PCDHGB1: variants seen among roughly 807,000 people sequenced by gnomAD.
PCDHGB1 encodes protocadherin gamma subfamily B, 1.
Under a neutral mutation model 56.6 loss-of-function variants are expected in PCDHGB1, and 34 were observed. The ratio of observed to expected loss-of-function variants is 0.60; its 90% CI spans 0.46 to 0.80. PCDHGB1 has a LOEUF of 0.80. PCDHGB1 is among the 30% of genes least tolerant of loss of function. The pLI is 0.00. For synonymous variants in PCDHGB1, 561 were observed against 505.9 expected (o/e 1.11, Z -1.46); for missense variants, 1,278 against 1,204.6 (o/e 1.06, Z -0.90).
intron 1 of PCDHGB1, chr5:141,427,316 C>G: frequency 2.2e-6 from 1 of 457,002 alleles, no homozygotes; most frequent in Non-Finnish European, 4.4e-6. Context: ...ATGCCCCAGA[C>G]GTGGTTTTTA....
At chr5:141,457,631 G>C (rs540600166) in intron 1 of PCDHGB1, among the ~76,000 whole-genome samples, 1 of 152,282 alleles carries the variant, frequency 6.6e-6, no homozygotes, top group African/African-American at 2.4e-5. Flanking sequence ...TCTTATACTT[G>C]GCCTGATTAT....
At chr5:141,509,782 C>A (rs2099878218) in intron 3 of PCDHGB1, among the ~76,000 whole-genome samples, 1 of 152,144 alleles carries the variant, frequency 6.6e-6, no homozygotes, top group Admixed American at 6.5e-5. Context: ...TCCCCGAGAT[C>A]ATCATCTCCT....
In PCDHGB1 at chr5:141,486,403, T is replaced by C; in HGVS notation, c.2410-8404T>C. ...GGAACCAGTTCTCCCTGGTGACTGC[T>C]GGACCCTTGGATCGAGAGGCCAAAT... On this transcript the variant is annotated intron_variant, in intron 1 of 3. Coordinates refer to ENST00000523390, the MANE Select transcript of PCDHGB1 (RefSeq NM_018922.3). This position sits in a 1 kb window ranked among gnomAD's most constrained non-coding sequence, Gnocchi z 5.0. The C allele has an allele frequency of 6.2e-7, 1 of 1,614,212 alleles. No individual in the cohort carries two copies. Among genetic ancestry groups the C allele is most frequent in the Non-Finnish European group, 8.5e-7 (1 of 1,180,034 alleles).
chr5:141,362,421 G>A (rs1292058776), intron 1 of PCDHGB1: 1 of 1,613,910 alleles, frequency 6.2e-7, no homozygotes, highest in African/African-American at 1.3e-5. Context: ...AATCAGCCAA[G>A]ACAGAGTTCA....
At chr5:141,372,146 T>A (rs371379465) in intron 1 of PCDHGB1, 1 of 1,613,620 alleles carries the variant, frequency 6.2e-7, no homozygotes, top group Non-Finnish European at 8.5e-7. Context: ...CTGCAGAGCC[T>A]GGCTACCTGG....
chr5:141,425,528 C>CA (rs890632943), intron 1 of PCDHGB1, among the ~76,000 whole-genome samples: 1 of 152,200 alleles, frequency 6.6e-6, no homozygotes, highest in African/African-American at 2.4e-5. Context: ...AAACATGAAA[C>CA]AATAATCCTT....
intron 1 of PCDHGB1, among the ~76,000 whole-genome samples, chr5:141,429,660 ATATAT>A (rs1388009014): frequency 1.3e-5 from 2 of 152,336 alleles, no homozygotes; most frequent in African/African-American, 4.8e-5. Flanking sequence ...CCAATTTAAA[ATATAT>A]TATTTTATTT....
At chr5:141,478,785 A>C in intron 1 of PCDHGB1, 1 of 1,482,486 alleles carries the variant, frequency 6.7e-7, no homozygotes, top group Non-Finnish European at 9.0e-7. Flanking sequence ...GACCTAATTC[A>C]CATCCTCAGC....
chr5:141,489,283 G>A lies in PCDHGB1; in HGVS notation c.2410-5524G>A. The A allele has an allele frequency of 6.4e-7, 1 of 1,569,594 alleles. No homozygotes were observed. Among genetic ancestry groups the A allele is most frequent in the Admixed American group, 1.8e-5 (1 of 55,646 alleles). ...CCCACAGCTCGCTGGGAAATGGCAA[G>A]TGCTGTGCATGTTGTCCTTGTGCTG... On this transcript the variant is annotated intron_variant, in intron 1 of 3. Coordinates refer to ENST00000523390, the MANE Select transcript of PCDHGB1 (RefSeq NM_018922.3). This position sits in a 1 kb window ranked among gnomAD's most constrained non-coding sequence, Gnocchi z 4.5.
Position 141,352,653 on chromosome 5 carries a change from C to T in PCDHGB1, c.2393C>T (p.Pro798Leu), listed in dbSNP as rs200777796. Reference protein sequence around the residue: ...SNEDHKIAYDPSLSSHQAPPN... With the variant: ...SNEDHKIAYDLSLSSHQAPPN... ...GAAGATCACAAAATCGCTTATGACC[C>T]TTCTTTGTCTTCGCACGTGAGTTTC... Residue 798 changes from proline to leucine, a missense_variant, in exon 1 of 4, where the codon CCT (proline) becomes CTT (leucine). By Grantham distance (98) the Pro-to-Leu change is moderately conservative. Coordinates refer to ENST00000523390, the MANE Select transcript of PCDHGB1 (RefSeq NM_018922.3). The T allele has an allele frequency of 1.3e-6, 2 of 1,597,500 alleles. No individual in the cohort carries two copies. The highest frequency in any genetic ancestry group is 8.5e-7 in the Non-Finnish European group (1 of 1,171,258).
intron 1 of PCDHGB1, among the ~76,000 whole-genome samples, chr5:141,353,443 A>G (rs141154137): frequency 9.2e-5 from 14 of 152,304 alleles, no homozygotes; most frequent in African/African-American, 2.9e-4. Flanking sequence ...TTGCAGCAAC[A>G]TGTATGTTTA....
intron 1 of PCDHGB1, chr5:141,360,512 T>A (rs551303336): frequency 6.2e-7 from 1 of 1,613,978 alleles, no homozygotes. Context: ...GTGCAGGATA[T>A]AAATGATAAT....
chr5:141,448,814 G>A (rs967588194), intron 1 of PCDHGB1, among the ~76,000 whole-genome samples: 14 of 152,122 alleles, frequency 9.2e-5, no homozygotes, highest in Non-Finnish European at 1.8e-4. Flanking sequence ...GCGTGATGGC[G>A]GGCGCCTGTA....
Position 141,491,077 on chromosome 5 carries a change from T to TAGGA in PCDHGB1, c.2410-3730_2410-3729insAGGA, listed in dbSNP as rs752090443. 1.2e-6 allele frequency: 2 copies of TAGGA among 1,614,166 alleles called. No homozygotes were observed. Among genetic ancestry groups the TAGGA allele is most frequent in the Admixed American group, 3.3e-5 (2 of 60,014 alleles). On this transcript the variant is annotated intron_variant, in intron 1 of 3. Transcript: ENST00000523390. This position sits in a 1 kb window ranked among gnomAD's most constrained non-coding sequence, Gnocchi z 6.9. The stretch of plus-strand genomic sequence containing the variant: ...GCTCTCCTACTCACTGTTGCCACAG[T>TAGGA]CCACAGCCCCAGGACTGTTCCTCGT...
intron 1 of PCDHGB1, chr5:141,415,477 C>A (rs2095874299): frequency 1.9e-6 from 3 of 1,614,184 alleles, no homozygotes; most frequent in Non-Finnish European, 2.5e-6. Flanking sequence ...CGCGGACTCG[C>A]GAAAGAGTCA....
Position 141,489,826 on chromosome 5 carries a change from C to T in PCDHGB1, c.2410-4981C>T, listed in dbSNP as rs1270077118. 1 of 1,614,186 alleles carries T rather than the reference C, an allele frequency of 6.2e-7. No individual in the cohort carries two copies. The highest frequency in any genetic ancestry group is 1.7e-5 in the Admixed American group (1 of 60,028). On this transcript the variant is annotated intron_variant, in intron 1 of 3. Coordinates refer to ENST00000523390, the MANE Select transcript of PCDHGB1 (RefSeq NM_018922.3). The surrounding 1 kb of genome is among the most constrained non-coding windows in gnomAD (Gnocchi z 4.5). ...TGGGAAGCCATTCCCAGAGCTGGTGCTAGAGCAGCAGCTGGATCGTGAAGC... is the reference window on the plus strand; with the variant it reads ...TGGGAAGCCATTCCCAGAGCTGGTGTTAGAGCAGCAGCTGGATCGTGAAGC...
At position 141,393,619 on chromosome 5, in the gene PCDHGB1, C is replaced by T. The variant is rs768350628; in HGVS notation, c.2409+40950C>T. 50 of 1,613,708 alleles carry T rather than the reference C, an allele frequency of 3.1e-5. No homozygotes were observed. Among genetic ancestry groups the T allele is most frequent in the Admixed American group, 6.7e-5 (4 of 60,000 alleles). ...CTGCTTACTGTAACAGCCAGCGACC[C>T]GGATGAGGGAATCAACGGAAAAGTG... On this transcript the variant is annotated intron_variant, in intron 1 of 3. Transcript: ENST00000523390.
In PCDHGB1 at chr5:141,428,010, G is replaced by C. The variant is rs544491298; in HGVS notation, c.2410-66797G>C. The C allele has an allele frequency of 1.2e-4, 192 of 1,603,004 alleles. 6 individuals are homozygous for C. In the South Asian group the frequency reaches 2.0e-3, roughly 17 times the overall value. ...CGATGGCTCCGCACTCTTCGATATA[G>C]TGCCACGCGCCGCAGAGTCCGGCTA... On this transcript the variant is annotated intron_variant, in intron 1 of 3. Transcript: ENST00000523390.
chr5:141,429,510 T>A (rs2097220128), intron 1 of PCDHGB1, among the ~76,000 whole-genome samples: 1 of 152,124 alleles, frequency 6.6e-6, no homozygotes, highest in African/African-American at 2.4e-5. Context: ...AAACTGTGCC[T>A]GGCAGAGAAA....
Sources: allele counts gnomAD v4.1 joint callset (sites outside exome capture counted in the v4.1 genomes callset), GRCh38; gene constraint gnomAD v4.1.1; non-coding constraint Gnocchi (gnomAD v3.1); transcripts MANE v1.5; gene names NCBI Gene and HGNC (gene_info 2026-07-23, HGNC 2026-07-21).